The following TENM2 variants were observed in gnomAD, a reference collection of about 807,000 sequenced individuals.
TENM2 encodes the protein teneurin-2.
Under a neutral mutation model 245.2 loss-of-function variants are expected in TENM2, and 52 were observed. The observed-to-expected ratio is 0.21, with a 90% CI of 0.17 to 0.27. The LOEUF is 0.27. TENM2 is among the 10% of genes least tolerant of loss of function. TENM2 has a pLI of 1.00. For synonymous variants in TENM2, 1,363 were observed against 1,438.9 expected (o/e 0.95, Z 1.19); for missense variants, 3,046 against 3,666.8 (o/e 0.83, Z 4.37).
chr5:167,101,525 TG>T, the TENM2 span, among the ~76,000 whole-genome samples: 1 of 151,690 alleles, frequency 6.6e-6, no homozygotes, highest in African/African-American at 2.4e-5. Context: ...TGTCAGGAGG[TG>T]GGGTCTATCT....
chr5:167,903,284 A>C (rs1274850747), intron 3 of TENM2, among the ~76,000 whole-genome samples: 1 of 152,108 alleles, frequency 6.6e-6, no homozygotes, highest in Non-Finnish European at 1.5e-5. Context: ...GTACCCAAGA[A>C]AGATGTGGCC....
intron 2 of TENM2, among the ~76,000 whole-genome samples, chr5:167,433,004 A>C (rs1257051111): frequency 6.6e-6 from 1 of 152,196 alleles, no homozygotes; most frequent in Non-Finnish European, 1.5e-5. Context: ...AGTGCTTTAA[A>C]ATGCAACATT....
chr5:167,177,426 G>T, the TENM2 span, among the ~76,000 whole-genome samples: 1 of 152,162 alleles, frequency 6.6e-6, no homozygotes, highest in African/African-American at 2.4e-5. Flanking sequence ...GCAATCCCTT[G>T]TGGGCAATTT....
intron 2 of TENM2, among the ~76,000 whole-genome samples, chr5:167,379,931 CAAAA>C: frequency 7.6e-6 from 1 of 132,250 alleles, no homozygotes; most frequent in East Asian, 2.3e-4. Flanking sequence ...AAAAACATAC[CAAAA>C]AAAAAAAAAA....
the TENM2 span, among the ~76,000 whole-genome samples, chr5:167,194,856 T>C: frequency 1.3e-5 from 2 of 152,042 alleles, no homozygotes; most frequent in African/African-American, 4.8e-5. Flanking sequence ...ATCTCCATTT[T>C]ATAGACAGGG....
chr5:168,120,023 A>G (rs1340581180), intron 10 of TENM2, among the ~76,000 whole-genome samples: 1 of 152,194 alleles, frequency 6.6e-6, no homozygotes, highest in African/African-American at 2.4e-5. Context: ...CAATCATCAC[A>G]GCTCTCACCA....
At chr5:168,105,505 T>C (rs767311138) in intron 9 of TENM2, among the ~76,000 whole-genome samples, 2 of 152,060 alleles carry the variant, frequency 1.3e-5, no homozygotes, top group Non-Finnish European at 2.9e-5. Flanking sequence ...AGAGACCGGG[T>C]CATGAGGATG....
chr5:167,405,759 CACACACACAA>C (rs947883708), intron 2 of TENM2, among the ~76,000 whole-genome samples: 1 of 129,776 alleles, frequency 7.7e-6, no homozygotes, highest in Non-Finnish European at 1.6e-5. Flanking sequence ...AATTCAAACA[CACACACACAA>C]ACACACACAC....
Position 168,158,956 on chromosome 5 carries a change from T to C in TENM2, c.2423-3655T>C, listed in dbSNP as rs1429794991. On this transcript the variant is annotated intron_variant, in intron 12 of 28. Coordinates refer to ENST00000518659, the Ensembl canonical transcript of TENM2. ...GTATATACGTATATACATATATATA[T>C]GTACGTGTATACATATATATATATA... is the stretch of plus-strand genomic sequence containing the variant. Among the ~76,000 whole-genome samples, 3 of 147,586 alleles carry C rather than the reference T, an allele frequency of 2.0e-5. No homozygotes were observed. In the Admixed American group the frequency reaches 2.0e-4, roughly 10 times the overall value.
the TENM2 span, among the ~76,000 whole-genome samples, chr5:167,084,366 T>C: frequency 1.4e-3 from 159 of 114,856 alleles, 4 homozygotes; most frequent in Admixed American, 9.2e-3. Flanking sequence ...TATATATATA[T>C]ACAGATCAGA....
At chr5:167,987,052 T>C (rs562001568) in intron 4 of TENM2, among the ~76,000 whole-genome samples, 1 of 152,344 alleles carries the variant, frequency 6.6e-6, no homozygotes, top group Non-Finnish European at 1.5e-5. Context: ...CCACCTGGTT[T>C]CAACGATTGC....
chr5:167,510,547 G>A (rs189050405), intron 2 of TENM2, among the ~76,000 whole-genome samples: 362 of 150,862 alleles, frequency 2.4e-3, no homozygotes, highest in Admixed American at 4.9e-3. Flanking sequence ...TTATTTTCCC[G>A]AACTGTTACT....
intron 2 of TENM2, among the ~76,000 whole-genome samples, chr5:167,861,599 G>A (rs1771814394): frequency 6.6e-6 from 1 of 152,178 alleles, no homozygotes; most frequent in Admixed American, 6.5e-5. Flanking sequence ...CAGGCTCTGG[G>A]GGCATTGTTC....
intron 2 of TENM2, among the ~76,000 whole-genome samples, chr5:167,755,490 A>G (rs1161231540): frequency 6.6e-6 from 1 of 151,570 alleles, no homozygotes; most frequent in Admixed American, 6.6e-5. Flanking sequence ...AAATATAAAT[A>G]TAAAATGGAA....
intron 4 of TENM2, among the ~76,000 whole-genome samples, chr5:167,962,731 A>G (rs1315909887): frequency 2.0e-5 from 3 of 152,074 alleles, no homozygotes; most frequent in African/African-American, 7.2e-5. Flanking sequence ...AAGGGGTGAA[A>G]ACCCCTTATA....
chr5:167,858,605 C>G (rs866314666), intron 2 of TENM2, among the ~76,000 whole-genome samples: 1 of 151,904 alleles, frequency 6.6e-6, no homozygotes, highest in Non-Finnish European at 1.5e-5. Flanking sequence ...GCCATGGTGG[C>G]CGCGGGTGGT....
chr5:167,862,989 G>C (rs751654438), intron 2 of TENM2, among the ~76,000 whole-genome samples: 3 of 152,204 alleles, frequency 2.0e-5, no homozygotes, highest in Non-Finnish European at 4.4e-5. Flanking sequence ...TTCTCTGTTT[G>C]CATCTCCAAC....
At chr5:168,118,451 G>T in exon 10 of TENM2, 1 of 1,593,508 alleles carries the variant, frequency 6.3e-7, no homozygotes, top group Non-Finnish European at 8.6e-7. Flanking sequence ...AACTGTGTCT[G>T]CTCTGCTGGC....
intron 1 of TENM2, among the ~76,000 whole-genome samples, chr5:167,336,122 T>G (rs1757737717): frequency 1.3e-5 from 2 of 151,434 alleles, no homozygotes; most frequent in African/African-American, 4.8e-5. Context: ...AAATGGTGCC[T>G]GCACATTTAC....
Sources: gnomAD v4.1 joint callset for allele counts (sites outside exome capture counted in the v4.1 genomes callset) on GRCh38, gnomAD v4.1.1 for gene constraint, MANE v1.5 for transcripts, NCBI Gene and HGNC (gene_info 2026-07-23, HGNC 2026-07-21) for gene names.